The following TICAM2 variants were observed in gnomAD, a reference collection of about 807,000 sequenced individuals.
The protein encoded by TICAM2 is TIR domain containing adaptor molecule 2.
A neutral mutation model predicts 7.3 loss-of-function variants in TICAM2; 8 were observed. That is an observed-to-expected ratio of 1.10 (90% CI 0.65 to 1.99). The LOEUF (loss-of-function observed/expected upper bound fraction) is 1.99. Ranked by LOEUF, TICAM2 falls within the 30% of genes most tolerant of loss-of-function variation. The pLI is 0.00. For synonymous variants in TICAM2, 113 were observed against 99.6 expected (o/e 1.13, Z -0.80); for missense variants, 304 against 278.8 (o/e 1.09, Z -0.65).
intron 1 of TICAM2, among the ~76,000 whole-genome samples, chr5:115,585,323 G>A (rs1038035684): frequency 3.9e-5 from 6 of 152,144 alleles, no homozygotes; most frequent in African/African-American, 1.2e-4. Flanking sequence ...TAGTCAAAGC[G>A]TAGTCCATGA....
intron 1 of TICAM2, among the ~76,000 whole-genome samples, chr5:115,593,434 A>G (rs1580416011): frequency 6.6e-6 from 1 of 152,342 alleles, no homozygotes; most frequent in Non-Finnish European, 1.5e-5. Context: ...CAATAGATCA[A>G]AAAATATCAA....
intron 1 of TICAM2, among the ~76,000 whole-genome samples, chr5:115,597,682 C>T (rs1755561414): frequency 6.6e-6 from 1 of 152,148 alleles, no homozygotes; most frequent in Admixed American, 6.5e-5. Context: ...TCTTGGTATA[C>T]TTAAGGGTAG....
intron 1 of TICAM2, among the ~76,000 whole-genome samples, chr5:115,583,753 G>T (rs149070987): frequency 6.6e-6 from 1 of 152,210 alleles, no homozygotes; most frequent in African/African-American, 2.4e-5. Context: ...CTGTTGGCCA[G>T]TTAACTCCAT....
intron 1 of TICAM2, among the ~76,000 whole-genome samples, chr5:115,596,042 A>T (rs1755498244): frequency 6.6e-6 from 1 of 152,172 alleles, no homozygotes; most frequent in Non-Finnish European, 1.5e-5. Context: ...GGTAAAAGGC[A>T]TTATCATTTG....
intron 1 of TICAM2, among the ~76,000 whole-genome samples, chr5:115,598,269 A>G (rs533245064): frequency 9.2e-5 from 14 of 152,120 alleles, no homozygotes; most frequent in African/African-American, 3.1e-4. Flanking sequence ...TACATGCTCT[A>G]TCTCTACGTT....
chr5:115,593,103 A>G (rs894314511), intron 1 of TICAM2, among the ~76,000 whole-genome samples: 1 of 152,240 alleles, frequency 6.6e-6, no homozygotes, highest in Non-Finnish European at 1.5e-5. Flanking sequence ...AGATCCTGTC[A>G]CTGCACTCTA....
In TICAM2 at chr5:115,580,747, A is replaced by G. The variant is rs191182628; in HGVS notation, c.510T>C (p.Val170=). 3 of 1,602,198 alleles carry G rather than the reference A, an allele frequency of 1.9e-6. No individual in the cohort carries two copies. Among genetic ancestry groups the G allele is most frequent in the Admixed American group, 3.4e-5 (2 of 58,014 alleles). ...GATTGTTCAGGGGCCGCATGGGTATAACAGAGTTGTATTTATGCTGCCTGT... is the reference window on the plus strand; with the variant it reads ...GATTGTTCAGGGGCCGCATGGGTATGACAGAGTTGTATTTATGCTGCCTGT... ...SVNRQHKYNS[V]IPMRPLNNPL... Residue 170 remains valine (V), a synonymous_variant, in exon 2 of 2, where the codon GTT becomes GTC. Transcript: ENST00000427199.
Position 115,580,496 on chromosome 5 carries a change from A to G in TICAM2, c.*53T>C. 2.7e-6 allele frequency: 4 copies of G among 1,494,228 alleles called. No homozygotes were observed. The highest frequency in any genetic ancestry group is 3.6e-6 in the Non-Finnish European group (4 of 1,124,704). 92.6% of individuals were successfully genotyped at this position (1,494,228 alleles called of 1,614,324 possible). Reference sequence around the variant, plus strand: ...CTAGAAACTGCTTTCTCAAGTGAAGATTAATCATTTGGTTTACAAAACAAG... The same window carrying G: ...CTAGAAACTGCTTTCTCAAGTGAAGGTTAATCATTTGGTTTACAAAACAAG... On this transcript the variant is annotated 3_prime_UTR_variant, in exon 2 of 2. Coordinates refer to ENST00000427199, the MANE Select transcript of TICAM2 (RefSeq NM_021649.7).
chr5:115,601,919 G>T (rs919230805), intron 1 of TICAM2, 178 bp downstream of exon 1: 1 of 152,364 alleles, frequency 6.6e-6, no homozygotes, highest in Non-Finnish European at 1.5e-5. Context: ...CCAAGTGACG[G>T]AAAGGCCTGC....
At chr5:115,584,141 G>C (rs1755023781) in intron 1 of TICAM2, among the ~76,000 whole-genome samples, 1 of 151,934 alleles carries the variant, frequency 6.6e-6, no homozygotes, top group Non-Finnish European at 1.5e-5. Flanking sequence ...GTTTCTCTAT[G>C]AATATATATT....
At chr5:115,595,635 C>T (rs889200091) in intron 1 of TICAM2, among the ~76,000 whole-genome samples, 4 of 152,198 alleles carry the variant, frequency 2.6e-5, no homozygotes, top group Non-Finnish European at 5.9e-5. Context: ...CTAATGCCTT[C>T]AAGAAAAACT....
rs1754901212 is a variant in TICAM2, at chr5:115,581,000, G to GC, written c.256dup (p.Ala86GlyfsTer4). On this transcript the variant is annotated frameshift_variant, in exon 2 of 2. Coordinates refer to ENST00000427199, the MANE Select transcript of TICAM2 (RefSeq NM_021649.7). LOFTEE classifies it high-confidence loss of function. The stretch of plus-strand genomic sequence containing the variant: ...GAGGGCTTCATCTGTGTCATCTTCT[G>GC]CATGCAATATCACAAATTTGAGGAA... 2 of 1,613,842 alleles carry GC rather than the reference G, an allele frequency of 1.2e-6. No individual in the cohort carries two copies. Among genetic ancestry groups the GC allele is most frequent in the African/African-American group, 2.7e-5 (2 of 74,906 alleles).
At chr5:115,589,661 T>C (rs952300116) in intron 1 of TICAM2, among the ~76,000 whole-genome samples, 5 of 152,192 alleles carry the variant, frequency 3.3e-5, no homozygotes, top group African/African-American at 1.2e-4. Flanking sequence ...AAGGTTAGAG[T>C]TATGGGATCT....
intron 1 of TICAM2, among the ~76,000 whole-genome samples, chr5:115,601,699 G>A (rs753159060): frequency 3.3e-5 from 5 of 152,170 alleles, no homozygotes; most frequent in Non-Finnish European, 7.4e-5. Context: ...ATCCAAATTA[G>A]CTTTGCACAA....
intron 1 of TICAM2, among the ~76,000 whole-genome samples, chr5:115,592,420 G>T (rs1481716467): frequency 6.6e-6 from 1 of 152,160 alleles, no homozygotes; most frequent in African/African-American, 2.4e-5. Context: ...GTAAATGTGT[G>T]CCATGATGGT....
intron 1 of TICAM2, among the ~76,000 whole-genome samples, chr5:115,590,716 C>T (rs1231482456): frequency 6.6e-6 from 1 of 152,144 alleles, no homozygotes; most frequent in East Asian, 1.9e-4. Context: ...ACTTGCATGT[C>T]GTACTTATTT....
chr5:115,597,884 A>G (rs1755571989), intron 1 of TICAM2, among the ~76,000 whole-genome samples: 1 of 152,236 alleles, frequency 6.6e-6, no homozygotes, highest in Admixed American at 6.5e-5. Context: ...GGGGACCCAC[A>G]TAATACAAAC....
intron 1 of TICAM2, 89 bp from the exon 2 acceptor site, chr5:115,581,404 A>G: frequency 2.2e-6 from 3 of 1,375,956 alleles, no homozygotes; most frequent in Non-Finnish European, 2.9e-6. Context: ...AAGCTCAAAA[A>G]GATTATAATA....
At chr5:115,587,303 T>A (rs540939965) in intron 1 of TICAM2, among the ~76,000 whole-genome samples, 1 of 152,176 alleles carries the variant, frequency 6.6e-6, no homozygotes, top group Non-Finnish European at 1.5e-5. Flanking sequence ...TTGTTGATGA[T>A]GAATATTACA....
Sources: allele counts gnomAD v4.1 joint callset (sites outside exome capture counted in the v4.1 genomes callset), GRCh38; gene constraint gnomAD v4.1.1; transcripts MANE v1.5; gene names NCBI Gene and HGNC (gene_info 2026-07-23, HGNC 2026-07-21).